The following PLPP3 variants were observed in gnomAD, a reference collection of about 807,000 sequenced individuals.
PLPP3 encodes the protein phospholipid phosphatase 3, also known as PAP2 beta.
PLPP3 carries 6 observed loss-of-function variants against 29.6 expected under a neutral mutation model. That is an observed-to-expected ratio of 0.20 (90% CI 0.11 to 0.40). The LOEUF is 0.40. PLPP3 is among the 10% of genes least tolerant of loss of function. PLPP3 has a pLI of 1.00. For missense variants in PLPP3, 308 were observed against 407.7 expected (o/e 0.76, Z 2.11); for synonymous variants, 152 against 159.7 (o/e 0.95, Z 0.36).
rs75114340 is a variant in PLPP3 at position 56,551,272 on chromosome 1, G to A, written c.140-14160C>T. On this transcript the variant is annotated intron_variant, in intron 1 of 5. Transcript: ENST00000371250. Reference sequence around the variant, plus strand: ...CCAGAGAAATCAAAAATGGCTTTCTGGGTTTGGGGTTTGGTTTGGTTCGGT... The same window carrying A: ...CCAGAGAAATCAAAAATGGCTTTCTAGGTTTGGGGTTTGGTTTGGTTCGGT... Among the ~76,000 whole-genome samples, 4 of 143,244 alleles carry A rather than the reference G, an allele frequency of 2.8e-5. No individual in the cohort carries two copies. In the East Asian group the frequency reaches 7.9e-4, roughly 28 times the overall value. 94.0% of individuals were successfully genotyped at this position (143,244 alleles called of 152,430 possible).
chr1:56,558,959 C>A (rs919961912), intron 1 of PLPP3, among the ~76,000 whole-genome samples: 1 of 152,204 alleles, frequency 6.6e-6, no homozygotes, highest in African/African-American at 2.4e-5. Flanking sequence ...TACTTGATGA[C>A]CTCTGCAGTT....
intron 5 of PLPP3, among the ~76,000 whole-genome samples, chr1:56,500,122 C>T (rs1465255111): frequency 6.6e-6 from 1 of 152,226 alleles, no homozygotes; most frequent in Non-Finnish European, 1.5e-5. Context: ...TTATAAATTA[C>T]TCTTTTTTTG....
At chr1:56,515,407 G>T (rs1052777061) in intron 4 of PLPP3, among the ~76,000 whole-genome samples, 1 of 152,128 alleles carries the variant, frequency 6.6e-6, no homozygotes, top group African/African-American at 2.4e-5. Context: ...TCAAGGGTGG[G>T]GCAGAGGAAG....
Position 56,579,060 on chromosome 1 carries a change from C to T in PLPP3, c.-44G>A, listed in dbSNP as rs1318750842. ...AGCCTCCCGCCCCGCGAAGACGTCC[C>T]GCAACAGCAGCCACACACCCAGGCG... On this transcript the variant is annotated 5_prime_UTR_variant, in exon 1 of 6. Coordinates refer to ENST00000371250, the MANE Select transcript of PLPP3 (RefSeq NM_003713.5). The T allele has an allele frequency of 2.5e-6, 4 of 1,570,510 alleles. No homozygotes were observed. Among genetic ancestry groups the T allele is most frequent in the Non-Finnish European group, 3.4e-6 (4 of 1,164,384 alleles).
intron 1 of PLPP3, among the ~76,000 whole-genome samples, chr1:56,542,540 A>T (rs990131880): frequency 6.6e-6 from 1 of 152,146 alleles, no homozygotes; most frequent in Admixed American, 6.6e-5. Flanking sequence ...GTCCTTTTCC[A>T]GAGTTGTTCA....
chr1:56,512,270 C>T (rs142067599), intron 4 of PLPP3, 118 bp from the exon 5 acceptor site: 3 of 996,832 alleles, frequency 3.0e-6, no homozygotes, highest in African/African-American at 3.3e-5. Flanking sequence ...CCTTGGGTGG[C>T]ATGTTGTAGA....
intron 5 of PLPP3, among the ~76,000 whole-genome samples, chr1:56,510,859 T>C (rs1396155432): frequency 2.0e-5 from 3 of 152,104 alleles, no homozygotes; most frequent in African/African-American, 7.2e-5. Context: ...ACTTACAGCC[T>C]AAAAGAAGAC....
intron 1 of PLPP3, among the ~76,000 whole-genome samples, chr1:56,544,977 A>C (rs1435711689): frequency 6.6e-6 from 1 of 152,202 alleles, no homozygotes; most frequent in Non-Finnish European, 1.5e-5. Context: ...GAGCTCTTAC[A>C]TAAATCATCA....
chr1:56,562,802 G>A (rs1282238882), intron 1 of PLPP3, among the ~76,000 whole-genome samples: 3 of 152,154 alleles, frequency 2.0e-5, no homozygotes, highest in African/African-American at 4.8e-5. Context: ...TTTTCCATCT[G>A]TGTGTCCATC....
In PLPP3 at chr1:56,501,851, G is replaced by C. The variant is rs140851551; in HGVS notation, c.811-5175C>G. Among the ~76,000 whole-genome samples the C allele has an allele frequency of 3.8e-3, 574 of 152,364 alleles. 7 individuals carry two copies. Among genetic ancestry groups the C allele is most frequent in the African/African-American group, 0.013 (532 of 41,590 alleles). ...AACATGTGAAATCTGACACATTCTA[G>C]CTGGATGTAGAGGCAATATGCTGAT... On this transcript the variant is annotated intron_variant, in intron 5 of 5. Coordinates refer to ENST00000371250, the MANE Select transcript of PLPP3 (RefSeq NM_003713.5).
intron 2 of PLPP3, among the ~76,000 whole-genome samples, chr1:56,533,157 C>T (rs897740613): frequency 2.0e-5 from 3 of 151,734 alleles, no homozygotes; most frequent in African/African-American, 4.8e-5. Context: ...TGGATTCAAG[C>T]GATTCTCCTG....
At chr1:56,543,099 C>G (rs1048599744) in intron 1 of PLPP3, among the ~76,000 whole-genome samples, 5 of 151,948 alleles carry the variant, frequency 3.3e-5, no homozygotes, top group African/African-American at 1.2e-4. Flanking sequence ...CTGTTCTACC[C>G]ATCTTACAAA....
chr1:56,521,350 T>G (rs1645818527), intron 4 of PLPP3, among the ~76,000 whole-genome samples: 1 of 150,480 alleles, frequency 6.6e-6, no homozygotes, highest in African/African-American at 2.5e-5. Flanking sequence ...TGGCAGAGAG[T>G]GCTGTCCTCA....
chr1:56,523,674 G>A (rs1275238444), intron 4 of PLPP3, 149 bp downstream of exon 4: 19 of 806,576 alleles, frequency 2.4e-5, no homozygotes, highest in African/African-American at 7.0e-5. Context: ...CAGTGGCAGC[G>A]CTCAGAATTA....
Position 56,524,618 on chromosome 1 carries a change from A to G in PLPP3, c.298-64T>C. On this transcript the variant is annotated intron_variant, in intron 2 of 5. Coordinates refer to ENST00000371250, the MANE Select transcript of PLPP3 (RefSeq NM_003713.5). This position sits in a 1 kb window ranked among gnomAD's most constrained non-coding sequence, Gnocchi z 4.3. Reference sequence around the variant, plus strand: ...ATTCATCATCAACACTGATGCCGTAACGGATATTCAACAACACAGGAGAAT... The same window carrying G: ...ATTCATCATCAACACTGATGCCGTAGCGGATATTCAACAACACAGGAGAAT... 1.3e-6 allele frequency: 2 copies of G among 1,526,978 alleles called. No individual in the cohort carries two copies. The highest frequency in any genetic ancestry group is 1.8e-6 in the Non-Finnish European group (2 of 1,114,168). 94.6% of individuals were successfully genotyped at this position (1,526,978 alleles called of 1,614,324 possible).
intron 1 of PLPP3, among the ~76,000 whole-genome samples, chr1:56,542,593 A>T (rs1453496254): frequency 6.6e-6 from 1 of 152,106 alleles, no homozygotes; most frequent in Non-Finnish European, 1.5e-5. Context: ...AAAATACGTG[A>T]AGTCCAGGAT....
intron 1 of PLPP3, among the ~76,000 whole-genome samples, chr1:56,561,249 G>A (rs1412940782): frequency 6.6e-6 from 1 of 151,500 alleles, no homozygotes. Flanking sequence ...TTTAATAGAA[G>A]CTATCATGGT....
At chr1:56,518,712 C>A (rs1557501225) in intron 4 of PLPP3, among the ~76,000 whole-genome samples, 1 of 81,108 alleles carries the variant, frequency 1.2e-5, no homozygotes. Flanking sequence ...CTTTTTTAAT[C>A]ATTTATATAT....
At chr1:56,578,777 C>A (rs1204963330) in intron 1 of PLPP3, 101 bp downstream of exon 1, 2 of 1,210,456 alleles carry the variant, frequency 1.7e-6, no homozygotes, top group East Asian at 3.5e-5. Context: ...CCGGAGCTGA[C>A]GGCGCGGCGC....
Sources: allele counts gnomAD v4.1 joint callset (sites outside exome capture counted in the v4.1 genomes callset), GRCh38; gene constraint gnomAD v4.1.1; non-coding constraint Gnocchi (gnomAD v3.1); transcripts MANE v1.5; gene names NCBI Gene and HGNC (gene_info 2026-07-23, HGNC 2026-07-21).